CTNNBL1: variants seen among roughly 807,000 people sequenced by gnomAD.
The protein encoded by CTNNBL1 is catenin beta like 1.
A neutral mutation model predicts 72.7 loss-of-function variants in CTNNBL1; 31 were observed. The observed-to-expected ratio is 0.43, with a 90% CI of 0.32 to 0.58. The LOEUF (loss-of-function observed/expected upper bound fraction) is 0.58, where lower values mean the gene tolerates loss of function less well. CTNNBL1 is among the 20% of genes least tolerant of loss of function. The probability of loss-of-function intolerance (pLI) is 0.08; values close to 1 mark genes in which losing one functional copy is unlikely to be tolerated. For missense variants in CTNNBL1, 534 were observed against 725.1 expected (o/e 0.74, Z 3.03); for synonymous variants, 240 against 267.3 (o/e 0.90, Z 1.00).
chr20:37,842,589 C>T (rs1282778200), intron 13 of CTNNBL1, among the ~76,000 whole-genome samples, 170 bp downstream of exon 13: 1 of 152,170 alleles, frequency 6.6e-6, no homozygotes, highest in East Asian at 1.9e-4. Flanking sequence ...TCTTCTGACA[C>T]GAATGACACC....
intron 7 of CTNNBL1, among the ~76,000 whole-genome samples, chr20:37,770,957 G>A (rs1390589997): frequency 6.6e-6 from 1 of 152,142 alleles, no homozygotes; most frequent in Non-Finnish European, 1.5e-5. Context: ...ATAATCTGGG[G>A]AATGTTATAA....
intron 4 of CTNNBL1, 133 bp from the exon 5 acceptor site, chr20:37,757,415 TTGTTGAAGAGA>T (rs1418029870): frequency 3.1e-5 from 17 of 540,194 alleles, no homozygotes; most frequent in Non-Finnish European, 5.7e-5. Flanking sequence ...GGGTAGAACC[TTGTTGAAGAGA>T]TGTTAATAAA....
At chr20:37,760,999 AAAAGGAAGAAGTAAGTAATGATAATAC>A (rs1395355467) in intron 5 of CTNNBL1, among the ~76,000 whole-genome samples, 7 of 152,196 alleles carry the variant, frequency 4.6e-5, no homozygotes, top group Admixed American at 1.3e-4. Context: ...AAAAAAAAAA[AAAAGGAAGAAGTAAGTAATGATAATAC>A]AAGGCAGAAC....
intron 15 of CTNNBL1, among the ~76,000 whole-genome samples, chr20:37,864,187 C>CT (rs2072516578): frequency 6.6e-6 from 1 of 150,426 alleles, no homozygotes; most frequent in African/African-American, 2.5e-5. Context: ...CTTTTCATAC[C>CT]ACGCCCCCCC....
chr20:37,697,554 C>G (rs911306782), intron 1 of CTNNBL1, among the ~76,000 whole-genome samples: 2 of 152,216 alleles, frequency 1.3e-5, no homozygotes, highest in Non-Finnish European at 2.9e-5. Context: ...TGTGACAAGA[C>G]TATGTAGGCC....
intron 1 of CTNNBL1, among the ~76,000 whole-genome samples, chr20:37,722,686 C>T (rs939582035): frequency 1.3e-5 from 2 of 152,060 alleles, no homozygotes; most frequent in African/African-American, 4.8e-5. Flanking sequence ...AAGGGCTGAG[C>T]ATTTTTTTAA....
intron 10 of CTNNBL1, among the ~76,000 whole-genome samples, chr20:37,780,344 G>C (rs1390135608): frequency 6.6e-6 from 1 of 152,104 alleles, no homozygotes; most frequent in Non-Finnish European, 1.5e-5. Flanking sequence ...AAGGTACTAT[G>C]TTAAGTACTG....
At chr20:37,854,606 T>C (rs1351127695) in intron 13 of CTNNBL1, among the ~76,000 whole-genome samples, 1 of 135,350 alleles carries the variant, frequency 7.4e-6, no homozygotes, top group Non-Finnish European at 1.6e-5. Flanking sequence ...TTATTATTAT[T>C]TGAGACGGAG....
chr20:37,709,429 C>T (rs2072918248), intron 1 of CTNNBL1, among the ~76,000 whole-genome samples: 1 of 152,160 alleles, frequency 6.6e-6, no homozygotes, highest in African/African-American at 2.4e-5. Flanking sequence ...TAAACATTAG[C>T]AGCACACCAG....
At chr20:37,870,275 A>G (rs1203502986) in intron 15 of CTNNBL1, among the ~76,000 whole-genome samples, 1 of 151,862 alleles carries the variant, frequency 6.6e-6, no homozygotes, top group East Asian at 1.9e-4. Flanking sequence ...GCCACTGGAG[A>G]CATAGGAGGG....
At chr20:37,731,601 CG>C (rs1276035725) in intron 1 of CTNNBL1, among the ~76,000 whole-genome samples, 1 of 152,158 alleles carries the variant, frequency 6.6e-6, no homozygotes, top group Admixed American at 6.5e-5. Context: ...CCTCTGGTGA[CG>C]ATCATTCTAC....
At chr20:37,834,567 G>A (rs572897936) in intron 11 of CTNNBL1, among the ~76,000 whole-genome samples, 20 of 152,274 alleles carry the variant, frequency 1.3e-4, no homozygotes, top group South Asian at 2.1e-4. Flanking sequence ...AATATGAGGC[G>A]TATTTTCAGG....
At chr20:37,781,767 G>GT (rs2073628016) in intron 10 of CTNNBL1, among the ~76,000 whole-genome samples, 1 of 152,178 alleles carries the variant, frequency 6.6e-6, no homozygotes, top group African/African-American at 2.4e-5. Context: ...CTATGAAGCT[G>GT]TAACACTAGA....
At chr20:37,726,960 T>C (rs1379370641) in intron 1 of CTNNBL1, among the ~76,000 whole-genome samples, 1 of 152,186 alleles carries the variant, frequency 6.6e-6, no homozygotes, top group Non-Finnish European at 1.5e-5. Context: ...CCAAGCCTAA[T>C]TGAGGTCGAG....
intron 4 of CTNNBL1, 22 bp from the exon 5 acceptor site, chr20:37,757,537 T>TTA: frequency 6.4e-7 from 1 of 1,567,212 alleles, no homozygotes; most frequent in Non-Finnish European, 8.8e-7. Context: ...AGTATGTGTG[T>TTA]TATACCCTTA....
intron 1 of CTNNBL1, among the ~76,000 whole-genome samples, chr20:37,695,814 C>T (rs987961938): frequency 2.6e-5 from 4 of 152,188 alleles, no homozygotes; most frequent in African/African-American, 9.7e-5. Context: ...AATGGAAAGT[C>T]CTTAGACAAT....
rs2073706692 is a variant in CTNNBL1 at position 37,789,577 on chromosome 20, G to A, written c.1031+10242G>A. On this transcript the variant is annotated intron_variant, in intron 10 of 15. Transcript: ENST00000361383. ...GAAATGAGGATGGAACTGTAACAGT[G>A]CCCTCATTGTCCCTGGAGGGAGACT... 2.0e-5 allele frequency among the ~76,000 whole-genome samples: 3 copies of A among 152,164 alleles called. No individual in the cohort carries two copies. In the South Asian group the frequency reaches 6.2e-4, roughly 32 times the overall value.
intron 5 of CTNNBL1, among the ~76,000 whole-genome samples, chr20:37,763,052 C>T (rs1247188187): frequency 2.6e-5 from 4 of 152,092 alleles, no homozygotes; most frequent in Non-Finnish European, 4.4e-5. Flanking sequence ...GCAGGTAAAG[C>T]GGCAATAAGC....
At chr20:37,758,335 T>C (rs2073383358) in intron 5 of CTNNBL1, among the ~76,000 whole-genome samples, 1 of 152,158 alleles carries the variant, frequency 6.6e-6, no homozygotes, top group South Asian at 2.1e-4. Context: ...GTTCCTTAGC[T>C]ATTGATCCAC....
Sources: gnomAD v4.1 joint callset for allele counts (sites outside exome capture counted in the v4.1 genomes callset) on GRCh38, gnomAD v4.1.1 for gene constraint, MANE v1.5 for transcripts, NCBI Gene and HGNC (gene_info 2026-07-23, HGNC 2026-07-21) for gene names.